The following PRR16 variants were observed in gnomAD, a reference collection of about 807,000 sequenced individuals.
PRR16 encodes proline rich 16.
In PRR16, 6 loss-of-function variants were observed where a neutral mutation model predicts 18.2. The observed-to-expected ratio is 0.33, with a 90% CI of 0.18 to 0.65. The LOEUF (loss-of-function observed/expected upper bound fraction) is 0.65. Ranked by LOEUF, PRR16 falls within the 30% of genes least tolerant of loss-of-function variation. The pLI is 0.74. For missense variants in PRR16, 412 were observed against 376.6 expected (o/e 1.09, Z -0.78); for synonymous variants, 151 against 147.8 (o/e 1.02, Z -0.16).
rs1400980428 is a variant in PRR16 at position 120,481,409 on chromosome 5, G to GC, written c.159+16765dup. 1.2e-4 allele frequency: 33 copies of GC among 265,918 alleles called. No homozygotes were observed. In the East Asian group the frequency reaches 4.3e-3, roughly 34 times the overall value. The allele number at this position is 265,918 out of a possible 1,614,324, so 16.5% of individuals were successfully genotyped here. On this transcript the variant is annotated intron_variant, in intron 1 of 1. Coordinates refer to ENST00000407149, the MANE Select transcript of PRR16 (RefSeq NM_001300783.2). ...GCCTCCCAAAGTGCTGGTGTTACAG[G>GC]CGTGAGCCACCACGCCTGGCCCGTT...
At chr5:120,615,644 C>T (rs1754486639) in intron 1 of PRR16, among the ~76,000 whole-genome samples, 1 of 151,714 alleles carries the variant, frequency 6.6e-6, no homozygotes, top group African/African-American at 2.4e-5. Flanking sequence ...AATGTTTTAA[C>T]CATAAAATTA....
intron 1 of PRR16, among the ~76,000 whole-genome samples, chr5:120,474,824 A>G (rs17146657): frequency 0.012 from 1,796 of 152,290 alleles, 14 homozygotes; most frequent in East Asian, 0.033. Flanking sequence ...AAACTCAGAA[A>G]GAATGAAGGG....
At chr5:120,476,218 A>G (rs1360104040) in intron 1 of PRR16, among the ~76,000 whole-genome samples, 1 of 152,114 alleles carries the variant, frequency 6.6e-6, no homozygotes, top group Non-Finnish European at 1.5e-5. Context: ...GTTACTTAAA[A>G]TGTCAAATGA....
At chr5:120,704,191 A>G in the PRR16 span, among the ~76,000 whole-genome samples, 4 of 152,172 alleles carry the variant, frequency 2.6e-5, no homozygotes, top group Admixed American at 2.6e-4. Flanking sequence ...TTGGTGGTGG[A>G]GAAGGACAAA....
intron 1 of PRR16, among the ~76,000 whole-genome samples, chr5:120,471,121 A>G (rs1749254635): frequency 6.6e-6 from 1 of 152,148 alleles, no homozygotes; most frequent in Admixed American, 6.5e-5. Flanking sequence ...CTTCATGGTA[A>G]CAGTCATTAT....
At chr5:120,577,220 A>G (rs1372574964) in intron 1 of PRR16, among the ~76,000 whole-genome samples, 1 of 152,098 alleles carries the variant, frequency 6.6e-6, no homozygotes, top group Non-Finnish European at 1.5e-5. Context: ...ATAACCAAGA[A>G]ATTCCTAATA....
chr5:120,561,163 T>C (rs1253599804), intron 1 of PRR16, among the ~76,000 whole-genome samples: 1 of 152,038 alleles, frequency 6.6e-6, no homozygotes, highest in African/African-American at 2.4e-5. Flanking sequence ...TAATTTTGAG[T>C]TGAGTTTGCT....
chr5:120,753,390 C>T, the PRR16 span, among the ~76,000 whole-genome samples: 15 of 151,810 alleles, frequency 9.9e-5, no homozygotes, highest in Non-Finnish European at 1.9e-4. Flanking sequence ...AGAACAGGTA[C>T]GTAACTGAGC....
intron 1 of PRR16, among the ~76,000 whole-genome samples, chr5:120,505,703 C>T (rs988164876): frequency 6.6e-6 from 1 of 150,638 alleles, no homozygotes; most frequent in African/African-American, 2.5e-5. Context: ...CAGTTCAGAA[C>T]CTTCTGTTGT....
intron 1 of PRR16, among the ~76,000 whole-genome samples, chr5:120,630,162 T>C (rs1169450912): frequency 1.3e-5 from 2 of 152,176 alleles, no homozygotes; most frequent in Non-Finnish European, 2.9e-5. Context: ...TTGTTTTTTC[T>C]TATTTTATCA....
chr5:120,508,343 C>T (rs552865025), intron 1 of PRR16, among the ~76,000 whole-genome samples: 1 of 152,110 alleles, frequency 6.6e-6, no homozygotes, highest in Non-Finnish European at 1.5e-5. Context: ...ATGCAAAACT[C>T]TGTGTGCTGA....
chr5:120,753,434 A>G, the PRR16 span, among the ~76,000 whole-genome samples: 1 of 151,970 alleles, frequency 6.6e-6, no homozygotes, highest in African/African-American at 2.4e-5. Flanking sequence ...ATTTGTTGAG[A>G]CAAGTCAGAA....
chr5:120,648,080 C>T (rs1374066065), intron 1 of PRR16, among the ~76,000 whole-genome samples: 1 of 151,936 alleles, frequency 6.6e-6, no homozygotes, highest in Non-Finnish European at 1.5e-5. Context: ...ATTTAGCTTC[C>T]TTGTATATAG....
At chr5:120,760,027 C>T in the PRR16 span, among the ~76,000 whole-genome samples, 1 of 152,110 alleles carries the variant, frequency 6.6e-6, no homozygotes, top group African/African-American at 2.4e-5. Context: ...GGACTAGAGT[C>T]TCTAAGTCTA....
intron 1 of PRR16, among the ~76,000 whole-genome samples, chr5:120,666,208 C>G (rs1478799512): frequency 6.6e-6 from 1 of 152,094 alleles, no homozygotes; most frequent in Non-Finnish European, 1.5e-5. Context: ...GTATTTTATT[C>G]TCTTTGAAGC....
chr5:120,493,982 AG>A (rs1484253620), intron 1 of PRR16, among the ~76,000 whole-genome samples: 4 of 152,170 alleles, frequency 2.6e-5, no homozygotes, highest in Admixed American at 2.6e-4. Flanking sequence ...TTATTAACAA[AG>A]CCACTATAAA....
chr5:120,732,924 A>G, the PRR16 span, among the ~76,000 whole-genome samples: 1 of 152,218 alleles, frequency 6.6e-6, no homozygotes, highest in African/African-American at 2.4e-5. Context: ...GTAAGAGATG[A>G]CATGTCTGTT....
chr5:120,669,744 G>A (rs1756530506), intron 1 of PRR16, among the ~76,000 whole-genome samples: 1 of 151,942 alleles, frequency 6.6e-6, no homozygotes, highest in African/African-American at 2.4e-5. Context: ...CAGTAAAAGA[G>A]AAAGTCTTGT....
chr5:120,681,826 T>C (rs928312577), intron 1 of PRR16, among the ~76,000 whole-genome samples: 2 of 152,238 alleles, frequency 1.3e-5, no homozygotes, highest in Non-Finnish European at 2.9e-5. Context: ...TAATTTTTGT[T>C]ACTCTATAAA....
Sources: allele counts gnomAD v4.1 joint callset (sites outside exome capture counted in the v4.1 genomes callset), GRCh38; gene constraint gnomAD v4.1.1; transcripts MANE v1.5; gene names NCBI Gene and HGNC (gene_info 2026-07-23, HGNC 2026-07-21).